The following PLB1 variants were observed in gnomAD, a reference collection of about 807,000 sequenced individuals.
The protein encoded by PLB1 is phospholipase B1, also known as phospholipase B1, membrane-associated.
PLB1 carries 242 observed loss-of-function variants against 227.4 expected under a neutral mutation model. The observed-to-expected ratio is 1.06, with a 90% CI of 0.96 to 1.18. The LOEUF (loss-of-function observed/expected upper bound fraction) is 1.18. PLB1 is among the 50% of genes most tolerant of loss of function. The pLI is 0.00. For missense variants in PLB1, 1,858 were observed against 1,816.3 expected, an observed-to-expected ratio of 1.02 and a Z score of -0.42; for synonymous variants, 757 against 682.2, an observed-to-expected ratio of 1.11 and a Z score of -1.71.
rs115240682 is a variant in PLB1, at chr2:28,598,721, A to G, written c.2435A>G (p.Asn812Ser). 2 of 1,614,238 alleles carry G rather than the reference A, an allele frequency of 1.2e-6. No homozygotes were observed. The highest frequency in any genetic ancestry group is 1.1e-5 in the South Asian group (1 of 91,090). ...AVGTGDANDTNAFLNQAVPGA... is the reference protein window; with the variant it reads ...AVGTGDANDTSAFLNQAVPGA... ...GGCACGGGTGATGCCAATGACACGAATGCATTCCTCAATCAAGCTGTTCCC... is the reference window on the plus strand; with the variant it reads ...GGCACGGGTGATGCCAATGACACGAGTGCATTCCTCAATCAAGCTGTTCCC... The change falls in exon 35 of 58, where the codon AAT (asparagine) becomes AGT (serine). Residue 812 changes from asparagine to serine, a missense_variant. Coordinates refer to ENST00000327757, the MANE Select transcript of PLB1 (RefSeq NM_153021.5).
At chr2:28,555,775 A>C (rs1007266210) in intron 17 of PLB1, among the ~76,000 whole-genome samples, 1 of 152,156 alleles carries the variant, frequency 6.6e-6, no homozygotes. Flanking sequence ...AAAATCAACT[A>C]GACCAAAATG....
intron 49 of PLB1, among the ~76,000 whole-genome samples, chr2:28,622,548 G>GAAT (rs1216798215): frequency 2.0e-5 from 3 of 152,078 alleles, no homozygotes; most frequent in African/African-American, 7.2e-5. Context: ...CAACCAATAA[G>GAAT]AATTCATTGA....
intron 53 of PLB1, among the ~76,000 whole-genome samples, chr2:28,630,381 G>A (rs1217329212): frequency 6.6e-6 from 1 of 152,174 alleles, no homozygotes; most frequent in Non-Finnish European, 1.5e-5. Context: ...CAGGGCTCCT[G>A]AGTTAGCATT....
intron 25 of PLB1, among the ~76,000 whole-genome samples, chr2:28,582,874 G>C (rs144995998): frequency 6.6e-5 from 10 of 152,300 alleles, no homozygotes; most frequent in African/African-American, 2.4e-4. Flanking sequence ...AGTGTGTCCA[G>C]AGCTGATCTG....
intron 15 of PLB1, among the ~76,000 whole-genome samples, chr2:28,549,412 C>CTTTT (rs746205635): frequency 0.35 from 29,746 of 84,144 alleles, 8,933 homozygotes; most frequent in Middle Eastern, 0.44. Flanking sequence ...GAGATTCTTT[C>CTTTT]TTTTTTTTTT....
intron 43 of PLB1, among the ~76,000 whole-genome samples, chr2:28,610,685 G>A (rs866970052): frequency 1.2e-4 from 19 of 152,092 alleles, no homozygotes; most frequent in African/African-American, 4.1e-4. Flanking sequence ...AGCACAACCA[G>A]CGAAGAAAAT....
At chr2:28,516,614 T>C (rs575139900) in intron 1 of PLB1, among the ~76,000 whole-genome samples, 194 bp from the exon 2 acceptor site, 2 of 152,282 alleles carry the variant, frequency 1.3e-5, no homozygotes, top group Admixed American at 6.5e-5. Context: ...CCCTAATGGG[T>C]TGTGTTAATG....
chr2:28,515,544 T>A (rs375111489), intron 1 of PLB1, among the ~76,000 whole-genome samples: 2 of 152,174 alleles, frequency 1.3e-5, no homozygotes, highest in East Asian at 1.9e-4. Context: ...TTGTGCAAGC[T>A]CTAATGTGGA....
At position 28,593,757 on chromosome 2, in the gene PLB1, A is replaced by G. The variant is rs1682406269; in HGVS notation, c.2321+3A>G. The stretch of plus-strand genomic sequence containing the variant: ...CAGTATCGGGGACTGTCATACAGGT[A>G]ATGTTAACCTTTGACCTCTCCCAGC... On this transcript the variant is annotated splice_donor_region_variant and intron_variant, in intron 33 of 57. Coordinates refer to ENST00000327757, the MANE Select transcript of PLB1 (RefSeq NM_153021.5). 1 of 1,613,120 alleles carries G rather than the reference A, an allele frequency of 6.2e-7. No individual in the cohort carries two copies. Among genetic ancestry groups the G allele is most frequent in the African/African-American group, 1.3e-5 (1 of 74,900 alleles).
intron 1 of PLB1, among the ~76,000 whole-genome samples, chr2:28,514,445 T>C (rs1668611421): frequency 6.6e-6 from 1 of 152,258 alleles, no homozygotes. Flanking sequence ...ATATAAATTT[T>C]AGAATCAGTT....
intron 18 of PLB1, among the ~76,000 whole-genome samples, chr2:28,563,600 C>T (rs1041124501): frequency 1.3e-5 from 2 of 152,078 alleles, no homozygotes; most frequent in Non-Finnish European, 1.5e-5. Context: ...AGACGGGAGT[C>T]TGTGGAAGAG....
intron 17 of PLB1, among the ~76,000 whole-genome samples, chr2:28,556,699 G>A (rs1457258850): frequency 6.6e-6 from 1 of 152,166 alleles, no homozygotes. Context: ...AGGGGACATG[G>A]CTTATTGACT....
chr2:28,550,188 T>TC, intron 16 of PLB1, 104 bp downstream of exon 16: 1 of 870,926 alleles, frequency 1.1e-6, no homozygotes, highest in Non-Finnish European at 1.7e-6. Flanking sequence ...TTTTTTTTCT[T>TC]TTGAGATGGA....
At chr2:28,567,475 T>C (rs1677183580) in intron 20 of PLB1, among the ~76,000 whole-genome samples, 1 of 141,270 alleles carries the variant, frequency 7.1e-6, no homozygotes, top group Non-Finnish European at 1.5e-5. Flanking sequence ...TTCTCTTTTT[T>C]TTTTTTTTTT....
chr2:28,604,148 GT>G, intron 40 of PLB1, 101 bp downstream of exon 40: 1 of 1,183,186 alleles, frequency 8.5e-7, no homozygotes. Context: ...GGAAAAGCTG[GT>G]CAGGGATTGT....
chr2:28,577,995 A>G, intron 21 of PLB1, 112 bp from the exon 22 acceptor site: 3 of 1,007,084 alleles, frequency 3.0e-6, no homozygotes, highest in Non-Finnish European at 3.1e-6. Flanking sequence ...ATTTTCCTGC[A>G]GGAGGCCCAC....
intron 56 of PLB1, among the ~76,000 whole-genome samples, chr2:28,637,740 C>T (rs1218785015): frequency 2.0e-5 from 3 of 152,202 alleles, no homozygotes; most frequent in Admixed American, 2.0e-4. Context: ...AACTCTTGCT[C>T]TCCTCCTTCT....
At chr2:28,505,493 G>T (rs147762086) in intron 1 of PLB1, among the ~76,000 whole-genome samples, 3 of 152,246 alleles carry the variant, frequency 2.0e-5, no homozygotes, top group Admixed American at 6.5e-5. Context: ...CCTCGAATGG[G>T]TCAGAAGTTC....
intron 8 of PLB1, among the ~76,000 whole-genome samples, chr2:28,530,408 C>T (rs1255120134): frequency 6.6e-6 from 1 of 152,074 alleles, no homozygotes; most frequent in Non-Finnish European, 1.5e-5. Context: ...GTTTTGGGAG[C>T]ATTAAATGAG....
Sources: allele counts gnomAD v4.1 joint callset (sites outside exome capture counted in the v4.1 genomes callset), GRCh38; gene constraint gnomAD v4.1.1; transcripts MANE v1.5; gene names NCBI Gene and HGNC (gene_info 2026-07-23, HGNC 2026-07-21).